The following HMCN2 variants were observed in gnomAD, a reference collection of about 807,000 sequenced individuals.
HMCN2 encodes the protein hemicentin-2.
HMCN2 carries 325 observed loss-of-function variants against 377.5 expected under a neutral mutation model. That is an observed-to-expected ratio of 0.86 (90% confidence interval 0.79 to 0.94). The LOEUF (loss-of-function observed/expected upper bound fraction) is 0.94. Among genes scored for constraint, HMCN2 ranks in the 40% least tolerant of loss-of-function variants. The pLI is 0.00. For synonymous variants in HMCN2, 2,007 were observed against 2,046.8 expected (o/e 0.98, Z 0.53); for missense variants, 4,543 against 4,725.3 (o/e 0.96, Z 1.13).
At chr9:130,340,662 G>C (rs1023169021) in intron 23 of HMCN2, among the ~76,000 whole-genome samples, 3 of 152,254 alleles carry the variant, frequency 2.0e-5, no homozygotes, top group African/African-American at 7.2e-5. Context: ...GGGATTACAG[G>C]TGCGCGCCAC....
intron 37 of HMCN2, 97 bp downstream of exon 37, chr9:130,359,511 G>C: frequency 2.1e-6 from 1 of 485,844 alleles, no homozygotes; most frequent in Non-Finnish European, 3.6e-6. Context: ...TGGACATAAT[G>C]GGGAGAAATC....
intron 66 of HMCN2, among the ~76,000 whole-genome samples, chr9:130,392,689 C>T (rs972706864): frequency 1.3e-5 from 2 of 152,002 alleles, no homozygotes; most frequent in Admixed American, 6.6e-5. Flanking sequence ...CTGGGGGCAC[C>T]GGGAACCCAG....
rs560280375 is a variant in HMCN2 at position 130,403,264 on chromosome 9, C to T, written c.11949C>T (p.Cys3983=). ...CAGAGGAGGAGGTGCTGCTGCCCTG[C>T]GAGGCCTCAGGCATCCCCCGGCCGA... ...AVAEEEVLLP[C]EASGIPRPTI... is the part of the protein sequence containing the mutation. The change falls in exon 79 of 98, where the codon TGC becomes TGT. Residue 3983 remains cysteine, a synonymous_variant. Transcript: ENST00000683500. 31 of 1,289,774 alleles carry T rather than the reference C, an allele frequency of 2.4e-5. No homozygotes were observed. The highest frequency in any genetic ancestry group is 6.2e-5 in the South Asian group (5 of 81,010). The allele number at this position is 1,289,774 out of a possible 1,614,324, so 79.9% of individuals were successfully genotyped here.
chr9:130,396,324 G>T lies in HMCN2; in HGVS notation c.11198+11G>T. ...TCCCAGGAGCCCCAGGTGGGAGAGGGAAGGGGTGGGCCTCAGGGAGGCTCT... is the reference window on the plus strand; with the variant it reads ...TCCCAGGAGCCCCAGGTGGGAGAGGTAAGGGGTGGGCCTCAGGGAGGCTCT... On this transcript the variant is annotated intron_variant, in intron 73 of 97. Coordinates refer to ENST00000683500, the MANE Select transcript of HMCN2 (RefSeq NM_001291815.2). 2.4e-6 allele frequency: 3 copies of T among 1,262,988 alleles called. No individual in the cohort carries two copies. Among genetic ancestry groups the T allele is most frequent in the Middle Eastern group, 4.3e-4 (2 of 4,612 alleles). 78.2% of individuals were successfully genotyped at this position (1,262,988 alleles called of 1,614,324 possible).
In HMCN2 at chr9:130,395,239, C is replaced by T. The variant is rs751115127; in HGVS notation, c.10803C>T (p.Gly3601=). Residue 3601 remains glycine, a synonymous_variant, in exon 71 of 98, where the codon GGC becomes GGT. Transcript: ENST00000683500. Reference sequence around the variant, plus strand: ...CTCCAAACATTGTTGGGCCCCGAGGCCCCCGCTTTGTGGTCGGCCTGGCCC... The same window carrying T: ...CTCCAAACATTGTTGGGCCCCGAGGTCCCCGCTTTGTGGTCGGCCTGGCCC... ...QAPPNIVGPR[G]PRFVVGLAPG... The T allele has an allele frequency of 3.6e-5, 47 of 1,289,140 alleles. No individual in the cohort carries two copies. The highest frequency in any genetic ancestry group is 2.8e-4 in the Admixed American group (12 of 43,470). The allele number at this position is 1,289,140 out of a possible 1,614,324, so 79.9% of individuals were successfully genotyped here.
intron 19 of HMCN2, among the ~76,000 whole-genome samples, chr9:130,323,401 C>A (rs989834750): frequency 6.6e-6 from 1 of 152,134 alleles, no homozygotes; most frequent in African/African-American, 2.4e-5. Flanking sequence ...CTGAGTGGTG[C>A]CCAGGGTGGG....
Position 130,379,479 on chromosome 9 carries a change from G to T in HMCN2, c.8431+12G>T, listed in dbSNP as rs999725201. 5.1e-6 allele frequency: 5 copies of T among 984,732 alleles called. No homozygotes were observed. Among genetic ancestry groups the T allele is most frequent in the African/African-American group, 3.5e-5 (2 of 57,204 alleles). 61.0% of individuals were successfully genotyped at this position (984,732 alleles called of 1,614,324 possible). On this transcript the variant is annotated intron_variant, in intron 54 of 97. Transcript: ENST00000683500. ...GTCTGTGCTGCAAGGTGGGTCAGGG[G>T]TGCGTGAAGAAAGTGGGCGCTTTGA...
At chr9:130,301,592 G>A (rs930903492) in intron 8 of HMCN2, among the ~76,000 whole-genome samples, 31 of 152,164 alleles carry the variant, frequency 2.0e-4, no homozygotes, top group Admixed American at 3.3e-4. Context: ...GGTGAGTGGC[G>A]ACTGCTTTGC....
At chr9:130,326,471 C>T (rs968261797) in intron 21 of HMCN2, among the ~76,000 whole-genome samples, 3 of 152,190 alleles carry the variant, frequency 2.0e-5, no homozygotes, top group Non-Finnish European at 2.9e-5. Context: ...CGCTGCCGTC[C>T]GCAGCATTCC....
rs547421010 is a variant in HMCN2, at chr9:130,361,245, A to G, written c.5950+641A>G. 9.3e-4 allele frequency among the ~76,000 whole-genome samples: 142 copies of G among 152,334 alleles called. No individual in the cohort carries two copies. The highest frequency in any genetic ancestry group is 3.3e-3 in the African/African-American group (136 of 41,578). ...AGAGTACTACTTGATGTCAATTGTG[A>G]TAGCAGCTGGTGAACATGAGGTGCA... On this transcript the variant is annotated intron_variant, in intron 38 of 97. Coordinates refer to ENST00000683500, the MANE Select transcript of HMCN2 (RefSeq NM_001291815.2). This position sits in a 1 kb window ranked among gnomAD's most constrained non-coding sequence, Gnocchi z 4.8.
chr9:130,314,781 C>T (rs922367552), intron 15 of HMCN2, among the ~76,000 whole-genome samples: 1 of 152,148 alleles, frequency 6.6e-6, no homozygotes, highest in African/African-American at 2.4e-5. Flanking sequence ...GGTGTGGACT[C>T]TCCAGGCAGT....
chr9:130,382,635 A>G, intron 55 of HMCN2, 44 bp from the exon 56 acceptor site: 1 of 272,456 alleles, frequency 3.7e-6, no homozygotes, highest in Non-Finnish European at 5.3e-6. Context: ...CCCCGCCCCC[A>G]GGGACCTGTG....
rs1404049411 is a variant in HMCN2, at chr9:130,349,039, C to T, written c.4211C>T (p.Pro1404Leu). The change falls in exon 28 of 98, where the codon CCC (proline) becomes CTC (leucine). Residue 1404 changes from proline to leucine, a missense_variant. Physicochemically the swap from Pro to Leu is moderately conservative, Grantham distance 98. Around this residue, in one of 5 missense-constraint regions of HMCN2, gnomAD observed 1,032 missense variants for 1,285.1 expected, o/e 0.80. Coordinates refer to ENST00000683500, the MANE Select transcript of HMCN2 (RefSeq NM_001291815.2). Reference protein sequence around the residue: ...LLDEGQSLHFPRIQEGDSGLY... With the variant: ...LLDEGQSLHFLRIQEGDSGLY... ...GACGAGGGCCAGTCCCTCCACTTCC[C>T]CAGGATCCAGGAGGGTGATTCTGGG... is the stretch of plus-strand genomic sequence containing the variant. 2.3e-6 allele frequency: 3 copies of T among 1,304,098 alleles called. No homozygotes were observed. The highest frequency in any genetic ancestry group is 5.5e-5 in the East Asian group (1 of 18,036). The allele number at this position is 1,304,098 out of a possible 1,614,324, so 80.8% of individuals were successfully genotyped here.
At position 130,363,494 on chromosome 9, in the gene HMCN2, C is replaced by T. The variant is rs150984459; in HGVS notation, c.6232+504C>T. Among the ~76,000 whole-genome samples, 567 of 152,210 alleles carry T rather than the reference C, an allele frequency of 3.7e-3. 1 individual carries two copies. Among genetic ancestry groups the T allele is most frequent in the Middle Eastern group, 0.01 (3 of 294 alleles). On this transcript the variant is annotated intron_variant, in intron 40 of 97. Coordinates refer to ENST00000683500, the MANE Select transcript of HMCN2 (RefSeq NM_001291815.2). ...GTAGCTTATTTTTAAATGTCCTCCT[C>T]TGGGTTTTTCTGGGGCTCTGTGGAG...
In HMCN2 at chr9:130,408,419, A is replaced by G. The variant is rs916092321; in HGVS notation, c.12689-324A>G. 3.3e-5 allele frequency among the ~76,000 whole-genome samples: 5 copies of G among 152,328 alleles called. 1 individual carries two copies. Among genetic ancestry groups the G allele is most frequent in the East Asian group, 3.9e-4 (2 of 5,190 alleles). ...GCTGCTAGTGTAATCCATCTGTGAA[A>G]GAGAGTATATGACACGCGTAACACT... is the stretch of plus-strand genomic sequence containing the variant. On this transcript the variant is annotated intron_variant, in intron 83 of 97. Coordinates refer to ENST00000683500, the MANE Select transcript of HMCN2 (RefSeq NM_001291815.2).
At chr9:130,358,553 G>C in intron 36 of HMCN2, 67 bp downstream of exon 36, 1 of 1,291,432 alleles carries the variant, frequency 7.7e-7, no homozygotes, top group Non-Finnish European at 1.0e-6. Context: ...GACCCTTGGG[G>C]CTGAAGTGTG....
At chr9:130,378,601 G>A (rs1490467922) in intron 53 of HMCN2, among the ~76,000 whole-genome samples, 1 of 150,950 alleles carries the variant, frequency 6.6e-6, no homozygotes, top group African/African-American at 2.4e-5. Flanking sequence ...GGGAGGCGGG[G>A]AGGCAGGGAG....
chr9:130,305,702 C>T (rs1836812735), intron 11 of HMCN2, among the ~76,000 whole-genome samples: 1 of 152,152 alleles, frequency 6.6e-6, no homozygotes, highest in Non-Finnish European at 1.5e-5. Context: ...TCTGACCAGC[C>T]TGTTGTTCTT....
At chr9:130,300,681 G>A (rs1171888523) in intron 8 of HMCN2, among the ~76,000 whole-genome samples, 1 of 152,256 alleles carries the variant, frequency 6.6e-6, no homozygotes, top group Non-Finnish European at 1.5e-5. Context: ...GGCAGCTGCT[G>A]TTACCGTTAC....
Sources: allele counts gnomAD v4.1 joint callset (sites outside exome capture counted in the v4.1 genomes callset), GRCh38; gene constraint gnomAD v4.1.1; regional missense constraint gnomAD v4.1.1; non-coding constraint Gnocchi (gnomAD v3.1); transcripts MANE v1.5; gene names NCBI Gene and HGNC (gene_info 2026-07-23, HGNC 2026-07-21).